The following RARB variants were observed in gnomAD, a reference collection of about 807,000 sequenced individuals.
RARB encodes retinoic acid receptor beta.
RARB carries 17 observed loss-of-function variants against 51.9 expected under a neutral mutation model. That is an observed-to-expected ratio of 0.33 (90% CI 0.22 to 0.49). The LOEUF (loss-of-function observed/expected upper bound fraction) is 0.49, where lower values mean the gene tolerates loss of function less well. RARB is among the 20% of genes least tolerant of loss of function. The pLI is 0.99. For synonymous variants in RARB, 215 were observed against 195.4 expected, an observed-to-expected ratio of 1.10 and a Z score of -0.84; for missense variants, 369 against 550.8, an observed-to-expected ratio of 0.67 and a Z score of 3.30.
chr3:25,511,332 C>T (rs919838240), intron 3 of RARB, among the ~76,000 whole-genome samples: 6 of 151,994 alleles, frequency 3.9e-5, no homozygotes, highest in East Asian at 1.9e-4. Flanking sequence ...CAGGTTTCAC[C>T]GTGTTAGCCA....
intron 2 of RARB, among the ~76,000 whole-genome samples, chr3:25,005,530 C>T (rs921005466): frequency 6.6e-6 from 1 of 152,102 alleles, no homozygotes; most frequent in Non-Finnish European, 1.5e-5. Flanking sequence ...GCATAAGTGC[C>T]CTCACAATGT....
intron 5 of RARB, among the ~76,000 whole-genome samples, chr3:25,342,986 C>T (rs1459600276): frequency 6.7e-6 from 1 of 148,716 alleles, no homozygotes; most frequent in African/African-American, 2.5e-5. Flanking sequence ...ATTCATAACA[C>T]AGTGTGGCTG....
chr3:25,417,124 A>G (rs190973395), intron 5 of RARB, among the ~76,000 whole-genome samples: 1 of 152,096 alleles, frequency 6.6e-6, no homozygotes. Flanking sequence ...AGCCGCTGGT[A>G]ATGTTCAGAA....
At chr3:25,115,903 T>A (rs1334107496) in intron 3 of RARB, among the ~76,000 whole-genome samples, 2 of 152,134 alleles carry the variant, frequency 1.3e-5, no homozygotes, top group Admixed American at 1.3e-4. Flanking sequence ...AGTGCTGGGG[T>A]TACAGGCATG....
At chr3:25,188,110 T>C (rs1345751118) in intron 5 of RARB, among the ~76,000 whole-genome samples, 1 of 152,136 alleles carries the variant, frequency 6.6e-6, no homozygotes, top group Non-Finnish European at 1.5e-5. Flanking sequence ...ATTTTTAACA[T>C]ATATATTGTA....
chr3:25,382,703 A>G (rs1706664959), intron 5 of RARB, among the ~76,000 whole-genome samples: 1 of 152,114 alleles, frequency 6.6e-6, no homozygotes, highest in East Asian at 1.9e-4. Flanking sequence ...TAAAAATACA[A>G]AAGAATTAGC....
intron 2 of RARB, among the ~76,000 whole-genome samples, chr3:25,042,648 A>T (rs1400988715): frequency 1.3e-5 from 2 of 152,200 alleles, no homozygotes; most frequent in Non-Finnish European, 2.9e-5. Flanking sequence ...GTGCCACTTG[A>T]TGGGCACTGA....
intron 5 of RARB, among the ~76,000 whole-genome samples, chr3:25,233,147 G>A (rs1340721007): frequency 1.3e-5 from 2 of 151,390 alleles, no homozygotes; most frequent in Non-Finnish European, 2.9e-5. Context: ...GGCTAATTTA[G>A]ACAGGGTTTC....
intron 3 of RARB, among the ~76,000 whole-genome samples, chr3:25,526,850 A>G (rs533493949): frequency 1.2e-4 from 18 of 152,182 alleles, no homozygotes; most frequent in Admixed American, 3.9e-4. Flanking sequence ...TTCCTTACTC[A>G]TGATTTTAAT....
At chr3:25,013,643 T>A (rs1477134539) in intron 2 of RARB, among the ~76,000 whole-genome samples, 1 of 151,924 alleles carries the variant, frequency 6.6e-6, no homozygotes, top group African/African-American at 2.4e-5. Flanking sequence ...AGTTCTAGGA[T>A]AGGATAATCA....
intron 2 of RARB, among the ~76,000 whole-genome samples, chr3:25,022,299 G>C (rs1452076262): frequency 6.6e-6 from 1 of 152,112 alleles, no homozygotes; most frequent in Non-Finnish European, 1.5e-5. Flanking sequence ...CCATTAATTA[G>C]TTTTTCCATT....
chr3:25,412,926 G>A (rs940855630), intron 5 of RARB, among the ~76,000 whole-genome samples: 7 of 152,104 alleles, frequency 4.6e-5, no homozygotes, highest in African/African-American at 7.2e-5. Flanking sequence ...GGCTGAGGCA[G>A]GAGAATCACT....
intron 3 of RARB, among the ~76,000 whole-genome samples, chr3:25,062,122 AC>A (rs1293767083): frequency 6.6e-6 from 1 of 151,826 alleles, no homozygotes; most frequent in African/African-American, 2.4e-5. Flanking sequence ...GAAAAATGGA[AC>A]GTGTTTATAT....
chr3:25,094,787 C>T (rs1292609029), intron 3 of RARB, among the ~76,000 whole-genome samples: 1 of 145,724 alleles, frequency 6.9e-6, no homozygotes, highest in African/African-American at 2.5e-5. Context: ...GGTCACAGGA[C>T]TACTCAGAAT....
At chr3:24,881,832 C>A (rs1322807396) in intron 2 of RARB, among the ~76,000 whole-genome samples, 2 of 152,186 alleles carry the variant, frequency 1.3e-5, no homozygotes, top group Admixed American at 1.3e-4. Context: ...TCAAATTGAT[C>A]ATTTTTTGAA....
chr3:25,300,898 G>C (rs1446559604), intron 5 of RARB, among the ~76,000 whole-genome samples: 1 of 152,154 alleles, frequency 6.6e-6, no homozygotes, highest in African/African-American at 2.4e-5. Flanking sequence ...TCAGGAGGCT[G>C]ATGCAGGAGA....
intron 5 of RARB, among the ~76,000 whole-genome samples, chr3:25,362,801 C>T (rs1380299194): frequency 6.6e-6 from 1 of 152,166 alleles, no homozygotes; most frequent in Non-Finnish European, 1.5e-5. Flanking sequence ...ATGGGCTACA[C>T]CCACTGTCTA....
upstream of RARB, among the ~76,000 whole-genome samples, chr3:25,425,126 A>G (rs1707955371): frequency 1.3e-5 from 2 of 152,338 alleles, no homozygotes; most frequent in South Asian, 2.1e-4. Flanking sequence ...ATGTTATTTT[A>G]TGCCATAACA....
chr3:25,343,295 C>A (rs761209589), intron 5 of RARB, among the ~76,000 whole-genome samples: 1 of 151,962 alleles, frequency 6.6e-6, no homozygotes, highest in African/African-American at 2.4e-5. Context: ...TTTCTCTGGT[C>A]CCAGAAGAGT....
Sources: allele counts gnomAD v4.1 joint callset (sites outside exome capture counted in the v4.1 genomes callset), GRCh38; gene constraint gnomAD v4.1.1; transcripts MANE v1.5; gene names NCBI Gene and HGNC (gene_info 2026-07-23, HGNC 2026-07-21).